The following TNF variants were observed in gnomAD, a reference collection of about 807,000 sequenced individuals.
TNF encodes tumor necrosis factor.
TNF carries 7 observed loss-of-function variants against 21.8 expected under a neutral mutation model. The ratio of observed to expected loss-of-function variants is 0.32; its 90% CI spans 0.18 to 0.60. The LOEUF is 0.60. TNF is among the 20% of genes least tolerant of loss of function. The pLI, the probability that TNF is intolerant of heterozygous loss-of-function variation, is 0.84. For missense variants in TNF, 216 were observed against 296.6 expected (o/e 0.73, Z 2.00); for synonymous variants, 123 against 130.2 (o/e 0.94, Z 0.38).
In TNF at chr6:31,577,792, A is replaced by C. The variant is rs1044801984; in HGVS notation, c.*255A>C. The C allele has an allele frequency of 1.7e-6, 1 of 588,578 alleles. No homozygotes were observed. Among genetic ancestry groups the C allele is most frequent in the African/African-American group, 1.9e-5 (1 of 53,772 alleles). The allele number at this position is 588,578 out of a possible 1,614,324, so 36.5% of individuals were successfully genotyped here. ...GCCTCCAGAACTCACTGGGGCCTAC[A>C]GCTTTGATCCCTGACATCTGGAATC... is the stretch of plus-strand genomic sequence containing the variant. On this transcript the variant is annotated 3_prime_UTR_variant, in exon 4 of 4. Transcript: ENST00000449264. The surrounding 1 kb of genome is among the most constrained non-coding windows in gnomAD (Gnocchi z 7.7).
chr6:31,577,284 T>C lies in TNF; in HGVS notation c.449T>C (p.Val150Ala). 1 of 1,613,214 alleles carries C rather than the reference T, an allele frequency of 6.2e-7. No individual in the cohort carries two copies. Among genetic ancestry groups the C allele is most frequent in the Non-Finnish European group, 8.5e-7 (1 of 1,180,040 alleles). The part of the protein sequence containing the change: ...FKGQGCPSTH[V>A]LLTHTISRIA... ...GGCCAAGGCTGCCCCTCCACCCATG[T>C]GCTCCTCACCCACACCATCAGCCGC... Residue 150 changes from valine to alanine, a missense_variant, in exon 4 of 4, where the codon GTG becomes GCG. Val to Ala is a moderately conservative substitution (Grantham distance 64). Transcript: ENST00000449264. This position sits in a 1 kb window ranked among gnomAD's most constrained non-coding sequence, Gnocchi z 7.7.
intron 1 of TNF, among the ~76,000 whole-genome samples, 153 bp downstream of exon 1, chr6:31,576,080 G>A (rs1771167261): frequency 2.0e-5 from 3 of 152,178 alleles, no homozygotes; most frequent in Admixed American, 6.5e-5. Flanking sequence ...AGAAAGAGAT[G>A]TGGCAAGAGA....
rs541176107 is a variant in TNF at position 31,577,886 on chromosome 6, G to A, written c.*349G>A. On this transcript the variant is annotated 3_prime_UTR_variant, in exon 4 of 4. Transcript: ENST00000449264. The surrounding 1 kb of genome is among the most constrained non-coding windows in gnomAD (Gnocchi z 7.7). Reference sequence around the variant, plus strand: ...CTTGAGAAGACCTCACCTAGAAATTGACACAAGTGGACCTTAGGCCTTCCT... The same window carrying A: ...CTTGAGAAGACCTCACCTAGAAATTAACACAAGTGGACCTTAGGCCTTCCT... 1.5e-5 allele frequency: 6 copies of A among 403,968 alleles called. No individual in the cohort carries two copies. Among genetic ancestry groups the A allele is most frequent in the African/African-American group, 1.0e-4 (5 of 49,762 alleles). The allele number at this position is 403,968 out of a possible 1,614,324, so 25.0% of individuals were successfully genotyped here. A position where few individuals can be genotyped will look rare whatever the true frequency, so the allele number is the denominator to read the frequency against.
Position 31,575,644 on chromosome 6 carries a change from C to G in TNF, c.-98C>G. ...AACTACAGACCCCCCCTGAAAACAA[C>G]CCTCAGACGCCACATCCCCTGACAA... On this transcript the variant is annotated 5_prime_UTR_variant, in exon 1 of 4. Transcript: ENST00000449264. This position sits in a 1 kb window ranked among gnomAD's most constrained non-coding sequence, Gnocchi z 6.2. The G allele has an allele frequency of 8.3e-7, 1 of 1,197,856 alleles. No homozygotes were observed. The highest frequency in any genetic ancestry group is 1.1e-6 in the Non-Finnish European group (1 of 871,638). 74.2% of individuals were successfully genotyped at this position (1,197,856 alleles called of 1,614,324 possible). A position where few individuals can be genotyped will look rare whatever the true frequency, so the allele number is the denominator to read the frequency against.
intron 1 of TNF, 122 bp downstream of exon 1, chr6:31,576,049 C>T (rs961191700): frequency 1.6e-5 from 17 of 1,048,580 alleles, no homozygotes; most frequent in Admixed American, 1.1e-4. Context: ...GAGAAAAAAA[C>T]GTGGAGAAAG....
chr6:31,577,118 A>C lies in TNF; in HGVS notation c.283A>C (p.Asn95His). 4 of 1,602,612 alleles carry C rather than the reference A, an allele frequency of 2.5e-6. No homozygotes were observed. Among genetic ancestry groups the C allele is most frequent in the Non-Finnish European group, 3.4e-6 (4 of 1,174,316 alleles). ...SDKPVAHVVANPQAEGQLQWL... is the reference protein window; with the variant it reads ...SDKPVAHVVAHPQAEGQLQWL... The stretch of plus-strand genomic sequence containing the variant: ...TCTCCCTCTCTCCCTCCCTCCAGCA[A>C]ACCCTCAAGCTGAGGGGCAGCTCCA... Residue 95 changes from asparagine to histidine, a missense_variant and splice_region_variant, in exon 4 of 4, where the codon AAC (asparagine) becomes CAC (histidine). Around this residue, in one of 2 missense-constraint regions of TNF, gnomAD observed 118 missense variants for 127.1 expected, o/e 0.93. Transcript: ENST00000449264. The surrounding 1 kb of genome is among the most constrained non-coding windows in gnomAD (Gnocchi z 7.7).
Position 31,575,727 on chromosome 6 carries a change from C to T in TNF, c.-15C>T. 6.4e-7 allele frequency: 1 copy of T among 1,557,838 alleles called. No individual in the cohort carries two copies. Among genetic ancestry groups the T allele is most frequent in the South Asian group, 1.2e-5 (1 of 83,404 alleles). ...TGACCCACGGCTCCACCCTCTCTCC[C>T]CTGGAAAGGACACCATGAGCACTGA... is the stretch of plus-strand genomic sequence containing the variant. On this transcript the variant is annotated 5_prime_UTR_variant, in exon 1 of 4. Transcript: ENST00000449264. The surrounding 1 kb of genome is among the most constrained non-coding windows in gnomAD (Gnocchi z 6.2).
In TNF at chr6:31,577,319, T is replaced by G; in HGVS notation, c.484T>G (p.Ser162Ala). The part of the protein sequence containing the change: ...LTHTISRIAV[S>A]YQTKVNLLSA... ...CCACACCATCAGCCGCATCGCCGTC[T>G]CCTACCAGACCAAGGTCAACCTCCT... Residue 162 changes from serine to alanine, a missense_variant, in exon 4 of 4, where the codon TCC becomes GCC. By Grantham distance (99) the Ser-to-Ala change is moderately conservative. Around this residue, in one of 2 missense-constraint regions of TNF, gnomAD observed 98 missense variants for 169.6 expected, o/e 0.58. Transcript: ENST00000449264. The surrounding 1 kb of genome is among the most constrained non-coding windows in gnomAD (Gnocchi z 7.7). 6.2e-7 allele frequency: 1 copy of G among 1,613,126 alleles called. No individual in the cohort carries two copies. Among genetic ancestry groups the G allele is most frequent in the Non-Finnish European group, 8.5e-7 (1 of 1,180,014 alleles).
At chr6:31,576,409 C>A in intron 1 of TNF, 125 bp from the exon 2 acceptor site, 1 of 905,192 alleles carries the variant, frequency 1.1e-6, no homozygotes, top group Non-Finnish European at 1.7e-6. Context: ...AAGGTGAATA[C>A]ACAGATGAAT....
rs775365890 is a variant in TNF, at chr6:31,576,579, A to G, written c.232A>G (p.Arg78Gly). The change falls in exon 2 of 4, where the codon AGA becomes GGA. Residue 78 changes from arginine (R) to glycine (G), a missense_variant and splice_region_variant. Around this residue, in one of 2 missense-constraint regions of TNF, gnomAD observed 118 missense variants for 127.1 expected, o/e 0.93. Transcript: ENST00000449264. ...AATCAGCCCTCTGGCCCAGGCAGTC[A>G]GTAAGTGTCTCCAAACCTCTTTCCT... ...SLISPLAQAV[R>G]SSSRTPSDKP... 4.3e-6 allele frequency: 7 copies of G among 1,613,526 alleles called. No homozygotes were observed. The highest frequency in any genetic ancestry group is 5.9e-6 in the Non-Finnish European group (7 of 1,179,900).
rs372719825 is a variant in TNF, at chr6:31,575,712, C to T, written c.-30C>T. On this transcript the variant is annotated 5_prime_UTR_variant, in exon 1 of 4. Transcript: ENST00000449264. This position sits in a 1 kb window ranked among gnomAD's most constrained non-coding sequence, Gnocchi z 6.2. ...CTTCCTCTCACATACTGACCCACGG[C>T]TCCACCCTCTCTCCCCTGGAAAGGA... 2.6e-6 allele frequency: 4 copies of T among 1,528,424 alleles called. No individual in the cohort carries two copies. In the African/African-American group the frequency reaches 5.6e-5, roughly 21 times the overall value. The allele number at this position is 1,528,424 out of a possible 1,614,324, so 94.7% of individuals were successfully genotyped here.
chr6:31,576,898 A>T, intron 3 of TNF, 84 bp downstream of exon 3: 1 of 1,526,016 alleles, frequency 6.6e-7, no homozygotes, highest in Non-Finnish European at 9.1e-7. Flanking sequence ...CAGAACTTGG[A>T]GACAATGTGA....
chr6:31,576,595 C>T lies in TNF; in HGVS notation c.232+16C>T, dbSNP rs1335737696. 1 of 1,612,670 alleles carries T rather than the reference C, an allele frequency of 6.2e-7. No homozygotes were observed. Among genetic ancestry groups the T allele is most frequent in the East Asian group, 2.2e-5 (1 of 44,846 alleles). On this transcript the variant is annotated intron_variant, in intron 2 of 3. Coordinates refer to ENST00000449264, the MANE Select transcript of TNF (RefSeq NM_000594.4). ...CAGGCAGTCAGTAAGTGTCTCCAAA[C>T]CTCTTTCCTAATTCTGGGTTTGGGT...
Position 31,577,430 on chromosome 6 carries a change from G to C in TNF, c.595G>C (p.Val199Leu). ...GTATGAGCCCATCTATCTGGGAGGG[G>C]TCTTCCAGCTGGAGAAGGGTGACCG... is the stretch of plus-strand genomic sequence containing the variant. Reference protein sequence around the residue: ...PWYEPIYLGGVFQLEKGDRLS... With the variant: ...PWYEPIYLGGLFQLEKGDRLS... The change falls in exon 4 of 4, where the codon GTC (valine) becomes CTC (leucine). Residue 199 changes from valine (V) to leucine (L), a missense_variant. This residue lies in a region of TNF where 98 missense variants were observed against 169.6 expected (regional missense o/e 0.58). Transcript: ENST00000449264. The surrounding 1 kb of genome is among the most constrained non-coding windows in gnomAD (Gnocchi z 7.7). The C allele has an allele frequency of 6.2e-7, 1 of 1,613,114 alleles. No homozygotes were observed. Among genetic ancestry groups the C allele is most frequent in the Non-Finnish European group, 8.5e-7 (1 of 1,180,026 alleles).
rs911236926 is a variant in TNF, at chr6:31,577,023, G to A, written c.281-93G>A. 14 of 1,485,238 alleles carry A rather than the reference G, an allele frequency of 9.4e-6. No homozygotes were observed. Among genetic ancestry groups the A allele is most frequent in the African/African-American group, 4.2e-5 (3 of 72,014 alleles). The allele number at this position is 1,485,238 out of a possible 1,614,324, so 92.0% of individuals were successfully genotyped here. On this transcript the variant is annotated intron_variant, in intron 3 of 3. Coordinates refer to ENST00000449264, the MANE Select transcript of TNF (RefSeq NM_000594.4). This position sits in a 1 kb window ranked among gnomAD's most constrained non-coding sequence, Gnocchi z 7.7. ...ATGACAGACAGAGAGGACAGGAACC[G>A]GATGTGGGGTGGGCAGAGCTCGAGG...
rs1771138369 is a variant in TNF at position 31,575,653 on chromosome 6, G to A, written c.-89G>A. On this transcript the variant is annotated 5_prime_UTR_variant, in exon 1 of 4. Coordinates refer to ENST00000449264, the MANE Select transcript of TNF (RefSeq NM_000594.4). The surrounding 1 kb of genome is among the most constrained non-coding windows in gnomAD (Gnocchi z 6.2). ...CCCCCCCTGAAAACAACCCTCAGAC[G>A]CCACATCCCCTGACAAGCTGCCAGG... The A allele has an allele frequency of 5.5e-6, 7 of 1,282,292 alleles. No individual in the cohort carries two copies. Among genetic ancestry groups the A allele is most frequent in the South Asian group, 1.5e-5 (1 of 65,036 alleles). 79.4% of individuals were successfully genotyped at this position (1,282,292 alleles called of 1,614,324 possible). A position where few individuals can be genotyped will look rare whatever the true frequency, so the allele number is the denominator to read the frequency against.
intron 1 of TNF, among the ~76,000 whole-genome samples, 163 bp downstream of exon 1, chr6:31,576,090 A>G (rs1305645358): frequency 6.6e-6 from 1 of 152,162 alleles, no homozygotes. Context: ...GTGGCAAGAG[A>G]TGGGGAAGAG....
rs1771255237 is a variant in TNF, at chr6:31,577,661, C to T, written c.*124C>T. On this transcript the variant is annotated 3_prime_UTR_variant, in exon 4 of 4. Coordinates refer to ENST00000449264, the MANE Select transcript of TNF (RefSeq NM_000594.4). The surrounding 1 kb of genome is among the most constrained non-coding windows in gnomAD (Gnocchi z 7.7). ...GAATTGGGGGCTTAGGGTCGGAACC[C>T]AAGCTTAGAACTTTAAGCAACAAGA... is the stretch of plus-strand genomic sequence containing the variant. 1 of 1,256,434 alleles carries T rather than the reference C, an allele frequency of 8.0e-7. No individual in the cohort carries two copies. The highest frequency in any genetic ancestry group is 1.1e-6 in the Non-Finnish European group (1 of 885,900). 77.8% of individuals were successfully genotyped at this position (1,256,434 alleles called of 1,614,324 possible).
At chr6:31,576,962 G>T in intron 3 of TNF, 148 bp downstream of exon 3, 1 of 1,338,800 alleles carries the variant, frequency 7.5e-7, no homozygotes. Context: ...GGCCTTAGTG[G>T]GATACTCAGA....
Sources: allele counts gnomAD v4.1 joint callset (sites outside exome capture counted in the v4.1 genomes callset), GRCh38; gene constraint gnomAD v4.1.1; regional missense constraint gnomAD v4.1.1; non-coding constraint Gnocchi (gnomAD v3.1); transcripts MANE v1.5; gene names NCBI Gene and HGNC (gene_info 2026-07-23, HGNC 2026-07-21).